The following XIRP2 variants were observed in gnomAD, a reference collection of about 807,000 sequenced individuals.
XIRP2 encodes xin actin-binding repeat-containing protein 2.
In XIRP2, 236 loss-of-function variants were observed where a neutral mutation model predicts 277.0. That is an observed-to-expected ratio of 0.85 (90% CI 0.77 to 0.95). XIRP2 has a LOEUF of 0.95. XIRP2 is among the 40% of genes least tolerant of loss of function. XIRP2 has a pLI of 0.00. For missense variants in XIRP2, 4,640 were observed against 4,157.5 expected (o/e 1.12, Z -3.19); for synonymous variants, 1,490 against 1,416.5 (o/e 1.05, Z -1.17).
At position 167,245,116 on chromosome 2, in the gene XIRP2, C is replaced by A; in HGVS notation, c.3724C>A (p.Leu1242Ile). ...AGGCAATGTTTTAAATTGTAGGTGGCTTTTTGAAAACCAACCAATTGATAA... is the reference window on the plus strand; with the variant it reads ...AGGCAATGTTTTAAATTGTAGGTGGATTTTTGAAAACCAACCAATTGATAA... ...QKGNVLNCRW[L>I]FENQPIDKIK... The change falls in exon 9 of 11, where the codon CTT becomes ATT. Residue 1242 changes from leucine to isoleucine, a missense_variant. Leu to Ile is a conservative substitution (Grantham distance 5). Coordinates refer to ENST00000409195, the MANE Select transcript of XIRP2 (RefSeq NM_152381.6). The A allele has an allele frequency of 1.2e-6, 2 of 1,610,352 alleles. No individual in the cohort carries two copies. The highest frequency in any genetic ancestry group is 8.5e-7 in the Non-Finnish European group (1 of 1,179,004).
chr2:166,998,629 T>C (rs957018143), intron 2 of XIRP2, among the ~76,000 whole-genome samples: 1 of 151,994 alleles, frequency 6.6e-6, no homozygotes, highest in Non-Finnish European at 1.5e-5. Context: ...AGAGCGAGAC[T>C]CCATCTCAAA....
chr2:167,238,633 A>C (rs1235037348), intron 5 of XIRP2, among the ~76,000 whole-genome samples: 1 of 152,172 alleles, frequency 6.6e-6, no homozygotes, highest in East Asian at 1.9e-4. Flanking sequence ...AAAACGTTTT[A>C]GTATACTATT....
intron 2 of XIRP2, among the ~76,000 whole-genome samples, chr2:166,981,932 TTTCTTTCCTAAAGTTCA>T (rs2105434567): frequency 6.6e-6 from 1 of 152,348 alleles, no homozygotes; most frequent in East Asian, 1.9e-4. Flanking sequence ...CATACTCTTC[TTTCTTTCCTAAAGTTCA>T]AAGTATCCAT....
intron 2 of XIRP2, among the ~76,000 whole-genome samples, chr2:167,088,624 G>C (rs1278402006): frequency 6.6e-6 from 1 of 152,092 alleles, no homozygotes; most frequent in Non-Finnish European, 1.5e-5. Flanking sequence ...TACAATCACA[G>C]GGCCAATGGC....
At chr2:167,006,594 C>T (rs1237110008) in intron 2 of XIRP2, among the ~76,000 whole-genome samples, 1 of 151,688 alleles carries the variant, frequency 6.6e-6, no homozygotes, top group Non-Finnish European at 1.5e-5. Flanking sequence ...CAAGACAGTT[C>T]CTTCTGAGGC....
intron 2 of XIRP2, among the ~76,000 whole-genome samples, chr2:166,967,537 G>T (rs1374272377): frequency 6.6e-6 from 1 of 151,788 alleles, no homozygotes; most frequent in Non-Finnish European, 1.5e-5. Context: ...TAGGATGTTG[G>T]GCACTACATG....
chr2:167,098,229 G>A (rs1464451709), intron 2 of XIRP2, among the ~76,000 whole-genome samples: 1 of 152,114 alleles, frequency 6.6e-6, no homozygotes, highest in Non-Finnish European at 1.5e-5. Flanking sequence ...ATATTTCTTG[G>A]ATGCTTTGTT....
chr2:166,980,394 T>C (rs915543239), intron 2 of XIRP2, among the ~76,000 whole-genome samples: 2 of 152,172 alleles, frequency 1.3e-5, no homozygotes, highest in African/African-American at 2.4e-5. Context: ...TAGTTATAAA[T>C]TTTAATGCAG....
Position 167,254,123 on chromosome 2 carries a change from A to AT in XIRP2, c.10648dup (p.Ter3550LeufsTer14). 1 of 1,610,842 alleles carries AT rather than the reference A, an allele frequency of 6.2e-7. No homozygotes were observed. Among genetic ancestry groups the AT allele is most frequent in the Admixed American group, 1.7e-5 (1 of 59,778 alleles). ...CTAGTGGCAGACAAGCAGAATTTTC[A>AT]TAAGTCCTGCTTCCGATGCCACCAT... On this transcript the variant is annotated frameshift_variant, in exon 10 of 11. Coordinates refer to ENST00000409195, the MANE Select transcript of XIRP2 (RefSeq NM_152381.6). LOFTEE classifies it high-confidence loss of function.
intron 2 of XIRP2, among the ~76,000 whole-genome samples, chr2:167,024,155 A>T (rs1302345203): frequency 6.6e-6 from 1 of 151,992 alleles, no homozygotes; most frequent in East Asian, 1.9e-4. Flanking sequence ...GTTCTCCTTG[A>T]AAAGGTCCCT....
At chr2:167,104,223 C>A (rs1558981565) in intron 2 of XIRP2, among the ~76,000 whole-genome samples, 1 of 151,980 alleles carries the variant, frequency 6.6e-6, no homozygotes, top group African/African-American at 2.4e-5. Flanking sequence ...TTTGCAATTA[C>A]TTTTTGTGTT....
At position 167,258,355 on chromosome 2, in the gene XIRP2, T is replaced by A; in HGVS notation, c.*538T>A. 1 of 1,613,358 alleles carries A rather than the reference T, an allele frequency of 6.2e-7. No homozygotes were observed. Among genetic ancestry groups the A allele is most frequent in the Non-Finnish European group, 8.5e-7 (1 of 1,179,650 alleles). On this transcript the variant is annotated 3_prime_UTR_variant, in exon 11 of 11. Coordinates refer to ENST00000409195, the MANE Select transcript of XIRP2 (RefSeq NM_152381.6). ...ATCACTTTCCATTTTTGCAGCCTTATCTACAGTCCACCCATGTTTGTCAGA... is the reference window on the plus strand; with the variant it reads ...ATCACTTTCCATTTTTGCAGCCTTAACTACAGTCCACCCATGTTTGTCAGA...
intron 3 of XIRP2, among the ~76,000 whole-genome samples, chr2:167,199,614 T>C (rs1693620303): frequency 1.3e-5 from 2 of 152,176 alleles, no homozygotes; most frequent in African/African-American, 4.8e-5. Flanking sequence ...CTGGAGGCCA[T>C]AATTGTTTTA....
At chr2:167,096,919 ATG>A (rs1690334920) in intron 2 of XIRP2, among the ~76,000 whole-genome samples, 1 of 152,136 alleles carries the variant, frequency 6.6e-6, no homozygotes, top group African/African-American at 2.4e-5. Context: ...GCTGTTTGTT[ATG>A]ATTTCCATTC....
intron 2 of XIRP2, among the ~76,000 whole-genome samples, chr2:166,976,180 T>G (rs1437031269): frequency 6.6e-6 from 1 of 152,098 alleles, no homozygotes; most frequent in African/African-American, 2.4e-5. Context: ...GGTGAGGTCT[T>G]TTCTGTTACA....
intron 4 of XIRP2, among the ~76,000 whole-genome samples, chr2:167,212,507 C>A (rs1222265889): frequency 1.3e-5 from 2 of 152,014 alleles, no homozygotes; most frequent in Admixed American, 1.3e-4. Flanking sequence ...TTATTTAATA[C>A]AAAATCAAAA....
intron 2 of XIRP2, among the ~76,000 whole-genome samples, chr2:166,904,274 G>A (rs1219803622): frequency 1.3e-5 from 2 of 152,120 alleles, no homozygotes; most frequent in Non-Finnish European, 2.9e-5. Context: ...GGATTTATCA[G>A]TAATGATGCT....
intron 1 of XIRP2, among the ~76,000 whole-genome samples, chr2:166,900,144 C>T (rs1470544324): frequency 2.6e-5 from 4 of 151,924 alleles, no homozygotes; most frequent in Admixed American, 6.6e-5. Flanking sequence ...TATAGTCCAA[C>T]TTGTCTCTTA....
Position 167,248,302 on chromosome 2 carries a change from T to A in XIRP2, c.6910T>A (p.Ser2304Thr). The change falls in exon 9 of 11, where the codon TCT becomes ACT. Residue 2304 changes from serine to threonine, a missense_variant. Transcript: ENST00000409195. ...TCCTCCACCACCTTCTAATGCATCA[T>A]CTGAAATTGAATTTCCTCTTCCTCC... The part of the protein sequence containing the change: ...PPPPPPSNAS[S>T]EIEFPLPPPP... 1.2e-6 allele frequency: 2 copies of A among 1,613,660 alleles called. No homozygotes were observed. The highest frequency in any genetic ancestry group is 1.7e-6 in the Non-Finnish European group (2 of 1,179,810).
Sources: gnomAD v4.1 joint callset for allele counts (sites outside exome capture counted in the v4.1 genomes callset) on GRCh38, gnomAD v4.1.1 for gene constraint, MANE v1.5 for transcripts, NCBI Gene and HGNC (gene_info 2026-07-23, HGNC 2026-07-21) for gene names.